MARCHF1: variants seen among roughly 807,000 people sequenced by gnomAD.
MARCHF1 encodes membrane associated ring-CH-type finger 1, also known as E3 ubiquitin-protein ligase MARCHF1.
A neutral mutation model predicts 54.2 loss-of-function variants in MARCHF1; 40 were observed. That is an observed-to-expected ratio of 0.74 (90% confidence interval 0.57 to 0.96). MARCHF1 has a LOEUF of 0.96. Among genes scored for constraint, MARCHF1 ranks in the 40% least tolerant of loss-of-function variants. MARCHF1 has a pLI of 0.00. For missense variants in MARCHF1, 586 were observed against 656.5 expected (o/e 0.89, Z 1.17); for synonymous variants, 236 against 236.3 (o/e 1.00, Z 0.01).
chr4:164,190,245 GAA>G, intron 1 of MARCHF1: 1 of 1,243,906 alleles, frequency 8.0e-7, no homozygotes, highest in Non-Finnish European at 1.2e-6. Context: ...GGAACTGGAA[GAA>G]ATTGTTCAGC....
chr4:163,616,789 A>G (rs1741525495), intron 5 of MARCHF1, among the ~76,000 whole-genome samples: 1 of 152,032 alleles, frequency 6.6e-6, no homozygotes, highest in African/African-American at 2.4e-5. Context: ...AAGAAATTGA[A>G]ACTCATATAT....
chr4:163,527,599 T>TTAA lies in MARCHF1; in HGVS notation c.*1146_*1148dup, dbSNP rs1491201921. Reference sequence around the variant, plus strand: ...TCATCTGACTTTAAAATGAGGACACTTAATTTAATGCTTTTAAAAATCATA... The same window carrying TTAA: ...TCATCTGACTTTAAAATGAGGACACTTAATAATTTAATGCTTTTAAAAATCATA... On this transcript the variant is annotated 3_prime_UTR_variant, in exon 10 of 10. Transcript: ENST00000514618. The TTAA allele has an allele frequency of 6.6e-6, 1 of 151,202 alleles. No individual in the cohort carries two copies. Among genetic ancestry groups the TTAA allele is most frequent in the African/African-American group, 2.4e-5 (1 of 41,206 alleles). 9.4% of individuals were successfully genotyped at this position (151,202 alleles called of 1,614,324 possible).
At chr4:163,551,342 T>C (rs545781507) in intron 8 of MARCHF1, among the ~76,000 whole-genome samples, 1 of 152,198 alleles carries the variant, frequency 6.6e-6, no homozygotes, top group Non-Finnish European at 1.5e-5. Flanking sequence ...AACAACAGAC[T>C]CTTAATTATG....
chr4:163,859,004 A>T (rs1749847293), intron 3 of MARCHF1, among the ~76,000 whole-genome samples: 1 of 152,190 alleles, frequency 6.6e-6, no homozygotes, highest in Non-Finnish European at 1.5e-5. Context: ...AGAGATGTTC[A>T]TAGTTGTATT....
chr4:163,996,809 T>A (rs959979572), intron 2 of MARCHF1, among the ~76,000 whole-genome samples: 1 of 152,024 alleles, frequency 6.6e-6, no homozygotes, highest in Non-Finnish European at 1.5e-5. Context: ...GAGAACACCA[T>A]GTGAAGACTG....
chr4:163,880,655 T>C (rs1452868591), intron 3 of MARCHF1, among the ~76,000 whole-genome samples: 1 of 152,022 alleles, frequency 6.6e-6, no homozygotes, highest in Non-Finnish European at 1.5e-5. Context: ...GAAGGTTTTA[T>C]TGCATGATTC....
chr4:164,106,594 T>C (rs1482132282), intron 2 of MARCHF1, among the ~76,000 whole-genome samples: 2 of 143,290 alleles, frequency 1.4e-5, no homozygotes, highest in Non-Finnish European at 3.0e-5. Flanking sequence ...GGAAGGGGAA[T>C]ATCACACTCT....
Position 164,176,976 on chromosome 4 carries a change from CTCTCTATATATATA to C in MARCHF1, c.-322-65328_-322-65315del, listed in dbSNP as rs1359405753. 1.4e-3 allele frequency among the ~76,000 whole-genome samples: 46 copies of C among 32,860 alleles called. 1 individual carries two copies. Among genetic ancestry groups the C allele is most frequent in the African/African-American group, 5.3e-3 (43 of 8,142 alleles). 21.6% of individuals were successfully genotyped at this position (32,860 alleles called of 152,430 possible). A position where few individuals can be genotyped will look rare whatever the true frequency, so the allele number is the denominator to read the frequency against. The stretch of plus-strand genomic sequence containing the variant: ...TCTCTCTCTCTCTCTCTCTCTCTCT[CTCTCTATATATATA>C]TATATATATATATATATATACAAAT... On this transcript the variant is annotated intron_variant, in intron 1 of 9. Coordinates refer to ENST00000514618, the MANE Select transcript of MARCHF1 (RefSeq NM_001394959.1).
intron 3 of MARCHF1, among the ~76,000 whole-genome samples, chr4:163,956,283 T>TGAAAA (rs1752231616): frequency 6.6e-6 from 1 of 152,166 alleles, no homozygotes; most frequent in East Asian, 1.9e-4. Context: ...TCAATAAATA[T>TGAAAA]TTACTGAAAA....
chr4:163,754,689 T>C (rs1746614582), intron 4 of MARCHF1, among the ~76,000 whole-genome samples: 1 of 151,852 alleles, frequency 6.6e-6, no homozygotes, highest in Admixed American at 6.6e-5. Context: ...AATTCCACAA[T>C]TAAAATTTTA....
intron 1 of MARCHF1, among the ~76,000 whole-genome samples, chr4:164,289,238 A>C (rs546354237): frequency 6.6e-6 from 1 of 152,102 alleles, no homozygotes; most frequent in African/African-American, 2.4e-5. Flanking sequence ...GAAAAGTGGC[A>C]TCCACTCTTG....
chr4:163,584,122 A>C (rs978166023), intron 8 of MARCHF1: 1 of 150,770 alleles, frequency 6.6e-6, no homozygotes, highest in Non-Finnish European at 1.5e-5. Flanking sequence ...ACTAGATACT[A>C]CAAAAGCTGG....
chr4:164,156,533 C>T (rs1730081789), intron 1 of MARCHF1, among the ~76,000 whole-genome samples: 1 of 152,154 alleles, frequency 6.6e-6, no homozygotes, highest in Non-Finnish European at 1.5e-5. Context: ...AAGCCATCCT[C>T]CTATCTCAGC....
At chr4:163,853,602 A>G (rs1749695717) in intron 4 of MARCHF1, among the ~76,000 whole-genome samples, 1 of 152,186 alleles carries the variant, frequency 6.6e-6, no homozygotes, top group Admixed American at 6.5e-5. Context: ...TATTACTGAG[A>G]CATTTTTAGA....
At chr4:164,350,739 T>C (rs575318865) in intron 1 of MARCHF1, among the ~76,000 whole-genome samples, 6 of 152,274 alleles carry the variant, frequency 3.9e-5, no homozygotes, top group African/African-American at 9.6e-5. Flanking sequence ...GCCAGTTCAA[T>C]AGTATTGTTG....
chr4:164,137,633 T>C (rs576655483), intron 1 of MARCHF1, among the ~76,000 whole-genome samples: 1 of 152,294 alleles, frequency 6.6e-6, no homozygotes, highest in East Asian at 1.9e-4. Flanking sequence ...TATATTTTCC[T>C]AATAAAACAT....
intron 2 of MARCHF1, among the ~76,000 whole-genome samples, chr4:164,055,574 A>G (rs1722921480): frequency 6.6e-6 from 1 of 152,234 alleles, no homozygotes; most frequent in Non-Finnish European, 1.5e-5. Context: ...GATAAAGTAA[A>G]AAGAATAGCC....
chr4:163,734,555 GA>G (rs34496158), intron 4 of MARCHF1, among the ~76,000 whole-genome samples: 1 of 148,442 alleles, frequency 6.7e-6, no homozygotes, highest in Non-Finnish European at 1.5e-5. Flanking sequence ...ACCAAAAAAA[GA>G]AAAAAAAGCT....
intron 1 of MARCHF1, among the ~76,000 whole-genome samples, chr4:164,149,498 A>C (rs929371265): frequency 1.3e-5 from 2 of 152,182 alleles, no homozygotes; most frequent in Admixed American, 6.5e-5. Context: ...AGAAAAGTTT[A>C]TCATAACATA....
Sources: gnomAD v4.1 joint callset for allele counts (sites outside exome capture counted in the v4.1 genomes callset) on GRCh38, gnomAD v4.1.1 for gene constraint, MANE v1.5 for transcripts, NCBI Gene and HGNC (gene_info 2026-07-23, HGNC 2026-07-21) for gene names.